ACTR3B: variants seen among roughly 807,000 people sequenced by gnomAD.
The protein encoded by ACTR3B is actin-related protein 3B.
Under a neutral mutation model 59.0 loss-of-function variants are expected in ACTR3B, and 8 were observed. The ratio of observed to expected loss-of-function variants is 0.14; its 90% CI spans 0.08 to 0.24. The LOEUF is 0.24. Ranked by LOEUF, ACTR3B falls within the 10% of genes least tolerant of loss-of-function variation. The pLI is 1.00. For missense variants in ACTR3B, 245 were observed against 552.3 expected (o/e 0.44, Z 5.58); for synonymous variants, 148 against 197.9 (o/e 0.75, Z 2.12).
rs577821408 is a variant in ACTR3B, at chr7:152,819,572, G to A, written c.541-727G>A. 2.9e-3 allele frequency among the ~76,000 whole-genome samples: 445 copies of A among 152,274 alleles called. 2 individuals are homozygous for A. Among genetic ancestry groups the A allele is most frequent in the African/African-American group, 0.01 (423 of 41,536 alleles). ...GGGCCCATCATTGCTGTGGGCATGT[G>A]GACACTTGACACTGGCCCTGCCATT... On this transcript the variant is annotated intron_variant, in intron 6 of 11. Coordinates refer to ENST00000256001, the MANE Select transcript of ACTR3B (RefSeq NM_020445.6).
At chr7:152,786,262 A>G (rs1425817543) in intron 2 of ACTR3B, 3 of 131,736 alleles carry the variant, frequency 2.3e-5, no homozygotes, top group African/African-American at 9.4e-5. Flanking sequence ...GCTAGAAAAT[A>G]TAACAGTGGG....
In ACTR3B at chr7:152,777,366, T is replaced by C. The variant is rs187048651; in HGVS notation, c.45-5821T>C. On this transcript the variant is annotated intron_variant, in intron 1 of 11. Transcript: ENST00000256001. ...TCTTCCTGTGTAAGATTAAGGCATGTCTCTGTTTGTCTGCTTGTATGTAGA... is the reference window on the plus strand; with the variant it reads ...TCTTCCTGTGTAAGATTAAGGCATGCCTCTGTTTGTCTGCTTGTATGTAGA... Among the ~76,000 whole-genome samples the C allele has an allele frequency of 2.3e-3, 350 of 152,296 alleles. 1 individual carries two copies. The highest frequency in any genetic ancestry group is 8.1e-3 in the African/African-American group (337 of 41,572).
rs1379974954 is a variant in ACTR3B at position 152,824,899 on chromosome 7, C to A, written c.859-131C>A. The A allele has an allele frequency of 1.9e-6, 2 of 1,060,182 alleles. No homozygotes were observed. Among genetic ancestry groups the A allele is most frequent in the Non-Finnish European group, 2.6e-6 (2 of 754,972 alleles). 65.7% of individuals were successfully genotyped at this position (1,060,182 alleles called of 1,614,324 possible). A position where few individuals can be genotyped will look rare whatever the true frequency, so the allele number is the denominator to read the frequency against. ...TCACATGGGATTCATTTGACATATC[C>A]TTCATTCCAATGTGAATTCTTTTAA... On this transcript the variant is annotated intron_variant, in intron 8 of 11. Coordinates refer to ENST00000256001, the MANE Select transcript of ACTR3B (RefSeq NM_020445.6). This position sits in a 1 kb window ranked among gnomAD's most constrained non-coding sequence, Gnocchi z 4.2.
At chr7:152,772,831 C>T (rs2116542383) in intron 1 of ACTR3B, among the ~76,000 whole-genome samples, 1 of 151,268 alleles carries the variant, frequency 6.6e-6, no homozygotes, top group East Asian at 1.9e-4. Flanking sequence ...CCGACTCAAC[C>T]TTAAAAATGT....
intron 8 of ACTR3B, 35 bp downstream of exon 8, chr7:152,823,550 G>C (rs763798933): frequency 1.2e-6 from 2 of 1,606,460 alleles, no homozygotes; most frequent in Non-Finnish European, 1.7e-6. Context: ...CTCAAGTGTG[G>C]GATGGAGCGA....
In ACTR3B at chr7:152,844,997, G is replaced by T. The variant is rs567906815; in HGVS notation, c.952-7129G>T. ...TAGAGGAAATTAGTACAACCGGTGA[G>T]CTCTCATACAGTGGTCGACCTGGTT... is the stretch of plus-strand genomic sequence containing the variant. On this transcript the variant is annotated intron_variant, in intron 9 of 11. Transcript: ENST00000256001. 2.3e-3 allele frequency among the ~76,000 whole-genome samples: 340 copies of T among 148,354 alleles called. 2 individuals are homozygous for T. Among genetic ancestry groups the T allele is most frequent in the African/African-American group, 7.9e-3 (316 of 40,114 alleles).
intron 1 of ACTR3B, among the ~76,000 whole-genome samples, chr7:152,768,633 C>T (rs549385282): frequency 1.8e-4 from 28 of 152,066 alleles, no homozygotes; most frequent in Admixed American, 4.6e-4. Context: ...CCCGCCATCA[C>T]GCCCAGCTAA....
chr7:152,770,285 T>C (rs922320003), intron 1 of ACTR3B, among the ~76,000 whole-genome samples: 11 of 152,142 alleles, frequency 7.2e-5, no homozygotes, highest in African/African-American at 2.7e-4. Flanking sequence ...TACAGAGATG[T>C]GGCATCCCCG....
At chr7:152,844,120 C>A (rs1798080067) in intron 9 of ACTR3B, among the ~76,000 whole-genome samples, 1 of 152,120 alleles carries the variant, frequency 6.6e-6, no homozygotes, top group African/African-American at 2.4e-5. Flanking sequence ...TGTAATGGTG[C>A]CATCTCGGCT....
chr7:152,786,717 CT>C (rs1275425107), intron 2 of ACTR3B, among the ~76,000 whole-genome samples: 1 of 151,986 alleles, frequency 6.6e-6, no homozygotes, highest in Non-Finnish European at 1.5e-5. Flanking sequence ...TTCTTTTCCT[CT>C]TTTCTTTCCT....
Position 152,820,002 on chromosome 7 carries a change from G to A in ACTR3B, c.541-297G>A, listed in dbSNP as rs555440507. ...TTCTTACAGACAGCATTTCTTTTTGGAAATGAACTATCTTATGTGGTTTTT... is the reference window on the plus strand; with the variant it reads ...TTCTTACAGACAGCATTTCTTTTTGAAAATGAACTATCTTATGTGGTTTTT... On this transcript the variant is annotated intron_variant, in intron 6 of 11. Coordinates refer to ENST00000256001, the MANE Select transcript of ACTR3B (RefSeq NM_020445.6). Among the ~76,000 whole-genome samples the A allele has an allele frequency of 1.1e-4, 16 of 152,320 alleles. No homozygotes were observed. In the South Asian group the frequency reaches 2.9e-3, roughly 28 times the overall value.
chr7:152,795,864 G>A (rs1465421678), intron 2 of ACTR3B, among the ~76,000 whole-genome samples: 2 of 148,074 alleles, frequency 1.4e-5, no homozygotes, highest in African/African-American at 5.1e-5. Context: ...TTTTTTTGGA[G>A]GCGGTGTCTT....
At chr7:152,807,761 T>TTTC (rs1320418283) in intron 4 of ACTR3B, among the ~76,000 whole-genome samples, 1 of 152,244 alleles carries the variant, frequency 6.6e-6, no homozygotes, top group Admixed American at 6.5e-5. Flanking sequence ...GTTAGTTGTA[T>TTTC]TTCCTCTTTT....
chr7:152,791,416 A>G (rs1045797467), intron 2 of ACTR3B, among the ~76,000 whole-genome samples: 3 of 127,276 alleles, frequency 2.4e-5, no homozygotes, highest in African/African-American at 5.9e-5. Flanking sequence ...AAAATATTTT[A>G]TTTTGAAATA....
chr7:152,760,538 A>G (rs1037557868), intron 1 of ACTR3B, among the ~76,000 whole-genome samples: 1 of 152,174 alleles, frequency 6.6e-6, no homozygotes, highest in African/African-American at 2.4e-5. Context: ...CCAGTATGAA[A>G]TGGCACACTC....
At chr7:152,761,926 C>T (rs115183093) in intron 1 of ACTR3B, among the ~76,000 whole-genome samples, 43 of 152,282 alleles carry the variant, frequency 2.8e-4, no homozygotes, top group African/African-American at 9.6e-4. Context: ...TCCGCACATT[C>T]GACCTTAGTC....
chr7:152,807,107 A>G (rs2098254606), intron 4 of ACTR3B, among the ~76,000 whole-genome samples: 1 of 152,074 alleles, frequency 6.6e-6, no homozygotes, highest in East Asian at 1.9e-4. Flanking sequence ...ACATTAGGAA[A>G]TTGGGAAGTT....
At chr7:152,791,692 C>T (rs1479979697) in intron 2 of ACTR3B, among the ~76,000 whole-genome samples, 1 of 152,218 alleles carries the variant, frequency 6.6e-6, no homozygotes, top group Non-Finnish European at 1.5e-5. Context: ...GAATTATTTT[C>T]TCACTACCAA....
At chr7:152,804,866 A>T (rs538309668) in intron 4 of ACTR3B, among the ~76,000 whole-genome samples, 1 of 152,236 alleles carries the variant, frequency 6.6e-6, no homozygotes, top group South Asian at 2.1e-4. Flanking sequence ...CAGTCCCAGT[A>T]TGTTGAAGCT....
Sources: gnomAD v4.1 joint callset for allele counts (sites outside exome capture counted in the v4.1 genomes callset) on GRCh38, gnomAD v4.1.1 for gene constraint, Gnocchi (gnomAD v3.1) non-coding constraint, MANE v1.5 for transcripts, NCBI Gene and HGNC (gene_info 2026-07-23, HGNC 2026-07-21) for gene names.